SNTG1: variants seen among roughly 807,000 people sequenced by gnomAD.
SNTG1 encodes syntrophin gamma 1.
A neutral mutation model predicts 74.7 loss-of-function variants in SNTG1; 39 were observed. The ratio of observed to expected loss-of-function variants is 0.52; its 90% confidence interval spans 0.40 to 0.68. The LOEUF is 0.68. Among genes scored for constraint, SNTG1 ranks in the 30% least tolerant of loss-of-function variants. The pLI is 0.00. For synonymous variants in SNTG1, 254 were observed against 217.1 expected (o/e 1.17, Z -1.49); for missense variants, 685 against 609.5 (o/e 1.12, Z -1.30).
chr8:50,276,678 C>T (rs2088132470), intron 2 of SNTG1, among the ~76,000 whole-genome samples: 1 of 151,902 alleles, frequency 6.6e-6, no homozygotes, highest in South Asian at 2.1e-4. Context: ...TGCCTCTCTA[C>T]CTGAAGTATT....
intron 13 of SNTG1, among the ~76,000 whole-genome samples, chr8:50,601,303 A>G (rs1026896648): frequency 6.6e-6 from 1 of 151,154 alleles, no homozygotes; most frequent in Admixed American, 6.6e-5. Flanking sequence ...TGCATCCCAT[A>G]GGTTTTATTA....
At chr8:50,297,119 T>C (rs186882326) in intron 2 of SNTG1, among the ~76,000 whole-genome samples, 1 of 152,316 alleles carries the variant, frequency 6.6e-6, no homozygotes, top group Admixed American at 6.5e-5. Flanking sequence ...TAATTATTTT[T>C]CGAATGGGAA....
chr8:50,485,334 T>A (rs16919578), intron 8 of SNTG1, among the ~76,000 whole-genome samples: 1 of 152,000 alleles, frequency 6.6e-6, no homozygotes, highest in African/African-American at 2.4e-5. Context: ...TTGAATCCTT[T>A]TATGCAGACT....
At chr8:50,232,448 T>C (rs1261347866) in intron 2 of SNTG1, among the ~76,000 whole-genome samples, 1 of 151,322 alleles carries the variant, frequency 6.6e-6, no homozygotes, top group Non-Finnish European at 1.5e-5. Context: ...ATAAAGAGGA[T>C]CTATAAAGAA....
In SNTG1 at chr8:50,596,362, T is replaced by C. The variant is rs371379189; in HGVS notation, c.849+5445T>C. On this transcript the variant is annotated intron_variant, in intron 13 of 18. Coordinates refer to ENST00000642720, the MANE Select transcript of SNTG1 (RefSeq NM_018967.5). ...TGCTTTTGAAATTGTATTTAGTAAATATCTGCCTAACACAGGAAATAAATT... is the reference window on the plus strand; with the variant it reads ...TGCTTTTGAAATTGTATTTAGTAAACATCTGCCTAACACAGGAAATAAATT... Among the ~76,000 whole-genome samples, 76 of 152,182 alleles carry C rather than the reference T, an allele frequency of 5.0e-4. 1 individual carries two copies. In the East Asian group the frequency reaches 9.1e-3, roughly 18 times the overall value.
At chr8:50,378,025 G>A (rs147131115) in intron 2 of SNTG1, among the ~76,000 whole-genome samples, 3 of 152,184 alleles carry the variant, frequency 2.0e-5, no homozygotes, top group South Asian at 2.1e-4. Flanking sequence ...CACTGGGCTC[G>A]TTCCGCCCAC....
At chr8:50,332,734 C>T (rs946355085) in intron 2 of SNTG1, among the ~76,000 whole-genome samples, 2 of 152,248 alleles carry the variant, frequency 1.3e-5, no homozygotes, top group Non-Finnish European at 2.9e-5. Flanking sequence ...CAATTAATCT[C>T]CTTAGCCGTT....
chr8:50,244,198 T>A (rs1328051739), intron 2 of SNTG1, among the ~76,000 whole-genome samples: 1 of 151,778 alleles, frequency 6.6e-6, no homozygotes, highest in Non-Finnish European at 1.5e-5. Flanking sequence ...ATCTTGGGAG[T>A]ACCCACTCGC....
At chr8:49,989,784 A>G (rs1423687923) in intron 1 of SNTG1, among the ~76,000 whole-genome samples, 3 of 150,968 alleles carry the variant, frequency 2.0e-5, no homozygotes, top group Admixed American at 2.0e-4. Flanking sequence ...AATACAAGGT[A>G]GTTTTAACAT....
At chr8:50,237,231 T>C (rs1009929581) in intron 2 of SNTG1, among the ~76,000 whole-genome samples, 1 of 152,196 alleles carries the variant, frequency 6.6e-6, no homozygotes, top group East Asian at 1.9e-4. Flanking sequence ...ATTGCTTTTC[T>C]ATGGAGTAGG....
intron 1 of SNTG1, among the ~76,000 whole-genome samples, chr8:49,933,600 G>A (rs977245617): frequency 6.6e-6 from 1 of 152,160 alleles, no homozygotes; most frequent in African/African-American, 2.4e-5. Flanking sequence ...ATTTGTTTAA[G>A]AAGCTGTTCT....
At chr8:50,645,776 CT>C (rs1377862155) in intron 13 of SNTG1, among the ~76,000 whole-genome samples, 1 of 151,966 alleles carries the variant, frequency 6.6e-6, no homozygotes. Context: ...TATATTTTGC[CT>C]CATGTTTTTC....
At position 50,130,937 on chromosome 8, in the gene SNTG1, T is replaced by C. The variant is rs190233736; in HGVS notation, c.-102-41624T>C. Among the ~76,000 whole-genome samples, 56 of 152,216 alleles carry C rather than the reference T, an allele frequency of 3.7e-4. No individual in the cohort carries two copies. In the East Asian group the frequency reaches 6.7e-3, roughly 18 times the overall value. ...GTTCTGTTTAGAAAGATTACAAAGA[T>C]ATTCATTGACTGTAAACTTGAAATT... is the stretch of plus-strand genomic sequence containing the variant. On this transcript the variant is annotated intron_variant, in intron 1 of 18. Transcript: ENST00000642720.
intron 15 of SNTG1, among the ~76,000 whole-genome samples, chr8:50,699,455 T>C (rs2095416208): frequency 6.6e-6 from 1 of 152,104 alleles, no homozygotes; most frequent in Non-Finnish European, 1.5e-5. Context: ...CTACACACCA[T>C]TGTCATTCTT....
chr8:50,422,091 T>C (rs1049275741), intron 4 of SNTG1, among the ~76,000 whole-genome samples: 2 of 152,142 alleles, frequency 1.3e-5, no homozygotes, highest in African/African-American at 4.8e-5. Context: ...AGAGGCCTGA[T>C]TGCATTAATG....
rs74652174 is a variant in SNTG1, at chr8:50,774,559, A to G, written c.1396-18112A>G. On this transcript the variant is annotated intron_variant, in intron 18 of 18. Transcript: ENST00000642720. Reference sequence around the variant, plus strand: ...GTCATTATTACATATAAAAAAAAGAACATTTGCCACTAGTAAATATACACT... The same window carrying G: ...GTCATTATTACATATAAAAAAAAGAGCATTTGCCACTAGTAAATATACACT... Among the ~76,000 whole-genome samples, 5 of 151,944 alleles carry G rather than the reference A, an allele frequency of 3.3e-5. No individual in the cohort carries two copies. In the East Asian group the frequency reaches 9.7e-4, roughly 29 times the overall value.
At chr8:50,113,882 G>A (rs2080706635) in intron 1 of SNTG1, among the ~76,000 whole-genome samples, 1 of 151,706 alleles carries the variant, frequency 6.6e-6, no homozygotes, top group Non-Finnish European at 1.5e-5. Flanking sequence ...TGCACGTTGT[G>A]CACATGTACC....
At chr8:50,281,347 T>C (rs1388380703) in intron 2 of SNTG1, among the ~76,000 whole-genome samples, 1 of 152,188 alleles carries the variant, frequency 6.6e-6, no homozygotes, top group Non-Finnish European at 1.5e-5. Context: ...TCAGGTTTCT[T>C]TGGAATCCCC....
At chr8:50,331,720 G>A (rs1230384064) in intron 2 of SNTG1, among the ~76,000 whole-genome samples, 1 of 152,118 alleles carries the variant, frequency 6.6e-6, no homozygotes, top group Non-Finnish European at 1.5e-5. Context: ...GTATAGAGAA[G>A]GATACTGAAT....
Sources: gnomAD v4.1 joint callset for allele counts (sites outside exome capture counted in the v4.1 genomes callset) on GRCh38, gnomAD v4.1.1 for gene constraint, MANE v1.5 for transcripts, NCBI Gene and HGNC (gene_info 2026-07-23, HGNC 2026-07-21) for gene names.